The following ZNF382 variants were observed in gnomAD, a reference collection of about 807,000 sequenced individuals.
The protein encoded by ZNF382 is zinc finger protein 382.
A neutral mutation model predicts 38.8 loss-of-function variants in ZNF382; 20 were observed. The observed-to-expected ratio is 0.51, with a 90% CI of 0.36 to 0.75. The LOEUF (loss-of-function observed/expected upper bound fraction) is 0.75, where lower values mean the gene tolerates loss of function less well. Ranked by LOEUF, ZNF382 falls within the 30% of genes least tolerant of loss-of-function variation. ZNF382 has a pLI of 0.00. For missense variants in ZNF382, 546 were observed against 654.1 expected, an observed-to-expected ratio of 0.83 and a Z score of 1.80; for synonymous variants, 202 against 223.1, an observed-to-expected ratio of 0.91 and a Z score of 0.84.
At chr19:36,618,838 G>A (rs967487991) in intron 4 of ZNF382, among the ~76,000 whole-genome samples, 1 of 152,098 alleles carries the variant, frequency 6.6e-6, no homozygotes, top group African/African-American at 2.4e-5. Context: ...AGGAGTTCCA[G>A]ACCACCCTGC....
intron 4 of ZNF382, among the ~76,000 whole-genome samples, chr19:36,625,805 C>T (rs561955721): frequency 9.2e-5 from 14 of 152,108 alleles, no homozygotes; most frequent in Non-Finnish European, 1.8e-4. Context: ...GTGATCCGCC[C>T]GCCTTGGCCT....
At chr19:36,619,486 C>A (rs2037151540) in intron 4 of ZNF382, among the ~76,000 whole-genome samples, 1 of 152,134 alleles carries the variant, frequency 6.6e-6, no homozygotes, top group Non-Finnish European at 1.5e-5. Context: ...CTATTTGTAA[C>A]CCCCACTAAG....
chr19:36,616,837 A>T (rs3096632), intron 4 of ZNF382, among the ~76,000 whole-genome samples: 1 of 151,812 alleles, frequency 6.6e-6, no homozygotes, highest in South Asian at 2.1e-4. Flanking sequence ...AGTGCCCCCA[A>T]TGTGGGGCAG....
In ZNF382 at chr19:36,628,276, T is replaced by G. The variant is rs1051029741; in HGVS notation, c.*726T>G. ...ATAAATCATGCTTCTGAGAACATACTTGTCTTGGTGTACATACATGTATTT... is the reference window on the plus strand; with the variant it reads ...ATAAATCATGCTTCTGAGAACATACGTGTCTTGGTGTACATACATGTATTT... On this transcript the variant is annotated 3_prime_UTR_variant, in exon 5 of 5. Coordinates refer to ENST00000292928, the MANE Select transcript of ZNF382 (RefSeq NM_032825.5). The G allele has an allele frequency of 6.6e-6, 1 of 152,520 alleles. No homozygotes were observed. The allele number at this position is 152,520 out of a possible 1,614,324, so 9.4% of individuals were successfully genotyped here. A position where few individuals can be genotyped will look rare whatever the true frequency, so the allele number is the denominator to read the frequency against.
chr19:36,610,807 T>C (rs1485650861), intron 4 of ZNF382, 65 bp downstream of exon 4: 2 of 1,244,970 alleles, frequency 1.6e-6, no homozygotes, highest in Non-Finnish European at 2.3e-6. Flanking sequence ...TGAATGTTTT[T>C]AGGGATCTAT....
At position 36,633,348 on chromosome 19, in the gene ZNF382, C is replaced by T. The variant is rs899766112; in HGVS notation, c.*5798C>T. On this transcript the variant is annotated 3_prime_UTR_variant, in exon 5 of 5. Coordinates refer to ENST00000292928, the MANE Select transcript of ZNF382 (RefSeq NM_032825.5). The stretch of plus-strand genomic sequence containing the variant: ...CCACCGCACCCGGCCTATAATCGGA[C>T]TTTTCAAAACCCTAGATATGTGACA... The T allele has an allele frequency of 7.0e-6, 1 of 142,008 alleles. No individual in the cohort carries two copies. The highest frequency in any genetic ancestry group is 3.1e-5 in the African/African-American group (1 of 31,892). 8.8% of individuals were successfully genotyped at this position (142,008 alleles called of 1,614,324 possible).
Position 36,627,422 on chromosome 19 carries a change from C to T in ZNF382, c.1525C>T (p.Arg509Cys), listed in dbSNP as rs1314886363. The change falls in exon 5 of 5, where the codon CGC becomes TGC. Residue 509 changes from arginine to cysteine, a missense_variant. Transcript: ENST00000292928. ...CTTCAGTAGGAAATCAAACCTCATT[C>T]GCCATCAGAAAACTCACACAGGCGA... ...KAFSRKSNLI[R>C]HQKTHTGEKP... 3.1e-6 allele frequency: 5 copies of T among 1,613,838 alleles called. No individual in the cohort carries two copies. In the South Asian group the frequency reaches 3.3e-5, roughly 11 times the overall value.
At chr19:36,609,324 T>C (rs1399996451) in intron 2 of ZNF382, 2 of 152,224 alleles carry the variant, frequency 1.3e-5, no homozygotes, top group Non-Finnish European at 2.9e-5. Flanking sequence ...AAAAAAAATC[T>C]AGTATCATGT....
Position 36,632,155 on chromosome 19 carries a change from G to T in ZNF382, c.*4605G>T, listed in dbSNP as rs2037257788. ...TATCAAACTTGATTTGGGGAGAGCT[G>T]ACAGCAGAACTTCTCTACATGGGTT... On this transcript the variant is annotated 3_prime_UTR_variant, in exon 5 of 5. Coordinates refer to ENST00000292928, the MANE Select transcript of ZNF382 (RefSeq NM_032825.5). The T allele has an allele frequency of 6.6e-6, 1 of 152,282 alleles. No individual in the cohort carries two copies. The highest frequency in any genetic ancestry group is 6.5e-5 in the Admixed American group (1 of 15,278). 9.4% of individuals were successfully genotyped at this position (152,282 alleles called of 1,614,324 possible). A position where few individuals can be genotyped will look rare whatever the true frequency, so the allele number is the denominator to read the frequency against.
At position 36,626,504 on chromosome 19, in the gene ZNF382, C is replaced by T; in HGVS notation, c.607C>T (p.Gln203Ter). The T allele has an allele frequency of 6.2e-7, 1 of 1,606,096 alleles. No individual in the cohort carries two copies. The highest frequency in any genetic ancestry group is 8.5e-7 in the Non-Finnish European group (1 of 1,177,516). Residue 203 changes from glutamine (Q) to a stop codon, truncating the protein, a stop_gained, in exon 5 of 5, where the codon CAG becomes TAG. Coordinates refer to ENST00000292928, the MANE Select transcript of ZNF382 (RefSeq NM_032825.5). LOFTEE classifies it high-confidence loss of function. ...TGGTAAACAGGAGCTTATTCAGCAT[C>T]AGAAGGTTCAAGCTCCAGAGCAACC... ...LSGKQELIQH[Q>*]KVQAPEQPFD... is the part of the protein sequence containing the mutation.
Position 36,626,645 on chromosome 19 carries a change from A to G in ZNF382, c.748A>G (p.Ile250Val). The change falls in exon 5 of 5, where the codon ATA becomes GTA. Residue 250 changes from isoleucine (I) to valine (V), a missense_variant. Ile to Val is a conservative substitution (Grantham distance 29). Transcript: ENST00000292928. ...FEYNKDGIAFIEKSSLSVHPS... is the reference protein window; with the variant it reads ...FEYNKDGIAFVEKSSLSVHPS... Reference sequence around the variant, plus strand: ...ATACAATAAAGATGGAATTGCCTTCATAGAAAAGTCAAGCCTCAGTGTCCA... The same window carrying G: ...ATACAATAAAGATGGAATTGCCTTCGTAGAAAAGTCAAGCCTCAGTGTCCA... The G allele has an allele frequency of 6.2e-7, 1 of 1,614,162 alleles. No individual in the cohort carries two copies. Among genetic ancestry groups the G allele is most frequent in the Non-Finnish European group, 8.5e-7 (1 of 1,180,044 alleles).
In ZNF382 at chr19:36,610,834, A is replaced by G; in HGVS notation, c.232+92A>G. 4 of 897,416 alleles carry G rather than the reference A, an allele frequency of 4.5e-6. No homozygotes were observed. The South Asian group carries it at 6.3e-5, about 14-fold the overall frequency. The allele number at this position is 897,416 out of a possible 1,614,324, so 55.6% of individuals were successfully genotyped here. On this transcript the variant is annotated intron_variant, in intron 4 of 4. Transcript: ENST00000292928. ...GGGATCTATTTTTGTTATTGTGGTA[A>G]AATACACATAACATTAAATATGCTA...
In ZNF382 at chr19:36,626,235, G is replaced by T. The variant is rs772538250; in HGVS notation, c.338G>T (p.Arg113Ile). The change falls in exon 5 of 5, where the codon AGA (arginine) becomes ATA (isoleucine). Residue 113 changes from arginine (R) to isoleucine (I), a missense_variant. Arg to Ile is a moderately conservative substitution (Grantham distance 97). Coordinates refer to ENST00000292928, the MANE Select transcript of ZNF382 (RefSeq NM_032825.5). Reference sequence around the variant, plus strand: ...AACCACAAAAAACTAATTAAGGAGAGAAGTAATATTTATGGTAAAACATTT... The same window carrying T: ...AACCACAAAAAACTAATTAAGGAGATAAGTAATATTTATGGTAAAACATTT... ...FINHKKLIKE[R>I]SNIYGKTFTL... The T allele has an allele frequency of 6.2e-7, 1 of 1,608,942 alleles. No individual in the cohort carries two copies. Among genetic ancestry groups the T allele is most frequent in the African/African-American group, 1.3e-5 (1 of 74,538 alleles).
chr19:36,615,813 AG>A (rs1178810083), intron 4 of ZNF382, among the ~76,000 whole-genome samples: 1 of 152,158 alleles, frequency 6.6e-6, no homozygotes, highest in African/African-American at 2.4e-5. Flanking sequence ...TTGAATTTAT[AG>A]TTTTTATAGT....
Position 36,626,476 on chromosome 19 carries a change from C to T in ZNF382, c.579C>T (p.Leu193=). 6.2e-7 allele frequency: 1 copy of T among 1,601,464 alleles called. No individual in the cohort carries two copies. ...TCCATAAACAAACAGAAAGAGTTCT[C>T]AGTGGTAAACAGGAGCTTATTCAGC... The part of the protein sequence containing the change: ...VNLHKQTERV[L]SGKQELIQHQ... Residue 193 remains leucine (L), a synonymous_variant, in exon 5 of 5, where the codon CTC becomes CTT. Transcript: ENST00000292928.
intron 4 of ZNF382, among the ~76,000 whole-genome samples, chr19:36,624,751 A>G (rs1431604531): frequency 6.6e-6 from 1 of 152,118 alleles, no homozygotes; most frequent in Non-Finnish European, 1.5e-5. Context: ...CTCTGGCAGA[A>G]TAAATTGAAT....
intron 4 of ZNF382, among the ~76,000 whole-genome samples, chr19:36,622,124 C>T (rs1358628562): frequency 2.6e-5 from 4 of 151,852 alleles, no homozygotes; most frequent in Non-Finnish European, 2.9e-5. Context: ...CAGGTTCAAG[C>T]GATTCTCATG....
Position 36,626,388 on chromosome 19 carries a change from G to A in ZNF382, c.491G>A (p.Ser164Asn). 1 of 1,595,388 alleles carries A rather than the reference G, an allele frequency of 6.3e-7. No individual in the cohort carries two copies. The highest frequency in any genetic ancestry group is 8.5e-7 in the Non-Finnish European group (1 of 1,174,188). Residue 164 changes from serine (S) to asparagine (N), a missense_variant, in exon 5 of 5, where the codon AGT becomes AAT. By Grantham distance (46) the Ser-to-Asn change is conservative. Coordinates refer to ENST00000292928, the MANE Select transcript of ZNF382 (RefSeq NM_032825.5). ...ISPIKEKFGD[S>N]TGWEKSLLNT... The stretch of plus-strand genomic sequence containing the variant: ...CCCATAAAAGAGAAGTTTGGTGACA[G>A]TACTGGATGGGAGAAATCACTCCTC...
intron 4 of ZNF382, among the ~76,000 whole-genome samples, chr19:36,611,560 G>T (rs2037078297): frequency 6.6e-6 from 1 of 152,030 alleles, no homozygotes; most frequent in Non-Finnish European, 1.5e-5. Context: ...GTGGTCCGTT[G>T]GGTTCCTTCC....
Sources: gnomAD v4.1 joint callset for allele counts (sites outside exome capture counted in the v4.1 genomes callset) on GRCh38, gnomAD v4.1.1 for gene constraint, MANE v1.5 for transcripts, NCBI Gene and HGNC (gene_info 2026-07-23, HGNC 2026-07-21) for gene names.